SLC8A1: variants seen among roughly 807,000 people sequenced by gnomAD.
SLC8A1 encodes sodium/calcium exchanger 1.
SLC8A1 carries 18 observed loss-of-function variants against 68.3 expected under a neutral mutation model. That is an observed-to-expected ratio of 0.26 (90% CI 0.18 to 0.39). The LOEUF is 0.39. Ranked by LOEUF, SLC8A1 falls within the 10% of genes least tolerant of loss-of-function variation. The probability of loss-of-function intolerance (pLI) is 1.00; values close to 1 mark genes in which losing one functional copy is unlikely to be tolerated. For missense variants in SLC8A1, 985 were observed against 1,156.7 expected (o/e 0.85, Z 2.15); for synonymous variants, 475 against 415.5 (o/e 1.14, Z -1.74).
At chr2:40,439,234 G>T (rs954333029) in intron 1 of SLC8A1, among the ~76,000 whole-genome samples, 1 of 152,094 alleles carries the variant, frequency 6.6e-6, no homozygotes, top group Admixed American at 6.6e-5. Context: ...TCTCTAAGAA[G>T]AAACAAGCAA....
chr2:40,236,484 C>G (rs1035860522), intron 2 of SLC8A1, among the ~76,000 whole-genome samples: 1 of 151,976 alleles, frequency 6.6e-6, no homozygotes, highest in Admixed American at 6.6e-5. Context: ...TATTTTGAGC[C>G]TATGTGTGTC....
chr2:40,196,612 A>T (rs1037901641), intron 2 of SLC8A1, among the ~76,000 whole-genome samples: 3 of 152,038 alleles, frequency 2.0e-5, no homozygotes, highest in Non-Finnish European at 4.4e-5. Flanking sequence ...TATCTAATGC[A>T]ATGATCCATC....
intron 2 of SLC8A1, among the ~76,000 whole-genome samples, chr2:40,253,017 ATATAT>A (rs2063130276): frequency 1.9e-5 from 2 of 104,612 alleles, no homozygotes; most frequent in South Asian, 2.7e-4. Flanking sequence ...ATGTATCTGT[ATATAT>A]GTATATACAT....
chr2:40,179,664 C>G (rs413711), intron 2 of SLC8A1, among the ~76,000 whole-genome samples: 15,764 of 152,144 alleles, frequency 0.1, 953 homozygotes, highest in Middle Eastern at 0.2. Context: ...AACAGCATGG[C>G]CATTCTTTAA....
At chr2:40,134,318 C>T (rs1157117145) in intron 7 of SLC8A1, among the ~76,000 whole-genome samples, 1 of 152,102 alleles carries the variant, frequency 6.6e-6, no homozygotes, top group African/African-American at 2.4e-5. Context: ...TCTTGAACTC[C>T]TGACCTCAAG....
chr2:40,212,901 A>G (rs2056861052), intron 2 of SLC8A1, among the ~76,000 whole-genome samples: 1 of 152,036 alleles, frequency 6.6e-6, no homozygotes, highest in Non-Finnish European at 1.5e-5. Flanking sequence ...GCAACAAAGC[A>G]TGTGTGTGTA....
chr2:40,329,867 G>A (rs1465425924), intron 2 of SLC8A1, among the ~76,000 whole-genome samples: 1 of 152,126 alleles, frequency 6.6e-6, no homozygotes, highest in Admixed American at 6.5e-5. Context: ...ACCTGAGGTA[G>A]GATAGAGGGG....
intron 4 of SLC8A1, 43 bp downstream of exon 7, chr2:40,170,238 T>C: frequency 6.4e-7 from 1 of 1,556,550 alleles, no homozygotes; most frequent in Non-Finnish European, 8.9e-7. Flanking sequence ...ATTAAAGAAC[T>C]CTGGGAGGCT....
chr2:40,382,382 T>G (rs1682126590), intron 2 of SLC8A1, among the ~76,000 whole-genome samples: 1 of 132,208 alleles, frequency 7.6e-6, no homozygotes, highest in Non-Finnish European at 1.5e-5. Flanking sequence ...AACTGCACAT[T>G]TGCCAAGGGT....
intron 2 of SLC8A1, among the ~76,000 whole-genome samples, chr2:40,197,331 G>T (rs1273655460): frequency 6.6e-6 from 1 of 151,936 alleles, no homozygotes; most frequent in Non-Finnish European, 1.5e-5. Flanking sequence ...CTGGTGCCTC[G>T]GGATGGAGCT....
chr2:40,137,721 G>A (rs1462584560), intron 7 of SLC8A1, among the ~76,000 whole-genome samples: 3 of 152,108 alleles, frequency 2.0e-5, no homozygotes, highest in Admixed American at 6.5e-5. Flanking sequence ...GAACGTAGTT[G>A]GGATTGAGAG....
At chr2:40,428,046 G>C (rs541225253) in intron 2 of SLC8A1, among the ~76,000 whole-genome samples, 14 of 152,128 alleles carry the variant, frequency 9.2e-5, no homozygotes, top group African/African-American at 3.4e-4. Context: ...TTTCCTTTTT[G>C]GGTTTTCCCA....
At chr2:40,229,525 T>G (rs1334752037) in intron 2 of SLC8A1, among the ~76,000 whole-genome samples, 1 of 152,162 alleles carries the variant, frequency 6.6e-6, no homozygotes, top group African/African-American at 2.4e-5. Flanking sequence ...ACTTTATTCA[T>G]TCAGTCAGTC....
chr2:40,475,194 C>T (rs1054216626), intron 1 of SLC8A1, among the ~76,000 whole-genome samples: 17 of 152,194 alleles, frequency 1.1e-4, no homozygotes, highest in African/African-American at 3.9e-4. Flanking sequence ...AGTGCAGTAG[C>T]GTGATCTCTG....
At chr2:40,239,458 A>T (rs746406410) in intron 2 of SLC8A1, among the ~76,000 whole-genome samples, 1 of 152,164 alleles carries the variant, frequency 6.6e-6, no homozygotes, top group Non-Finnish European at 1.5e-5. Context: ...CTCTATTTCA[A>T]CCCATTGCAT....
chr2:40,233,628 T>C (rs1425131223), intron 2 of SLC8A1, among the ~76,000 whole-genome samples: 2 of 139,344 alleles, frequency 1.4e-5, no homozygotes, highest in African/African-American at 2.7e-5. Context: ...ATTTTGGCTT[T>C]TGTTGTCATT....
chr2:40,238,349 G>T (rs1397567276), intron 2 of SLC8A1, among the ~76,000 whole-genome samples: 2 of 152,208 alleles, frequency 1.3e-5, no homozygotes, highest in Non-Finnish European at 2.9e-5. Context: ...CAGTATTCGG[G>T]TGGGAGTGAC....
intron 1 of SLC8A1, among the ~76,000 whole-genome samples, chr2:40,495,095 A>ACTT (rs1336914836): frequency 6.6e-6 from 1 of 152,018 alleles, no homozygotes; most frequent in Non-Finnish European, 1.5e-5. Flanking sequence ...TAGTCTGTGT[A>ACTT]CTTTTAACAT....
At chr2:40,232,156 C>A (rs935426643) in intron 2 of SLC8A1, among the ~76,000 whole-genome samples, 3 of 151,942 alleles carry the variant, frequency 2.0e-5, no homozygotes, top group African/African-American at 4.8e-5. Flanking sequence ...ATCTAGTAAA[C>A]GGGCTTTGGA....
Sources: gnomAD v4.1 joint callset for allele counts (sites outside exome capture counted in the v4.1 genomes callset) on GRCh38, gnomAD v4.1.1 for gene constraint, MANE v1.5 for transcripts, NCBI Gene and HGNC (gene_info 2026-07-23, HGNC 2026-07-21) for gene names.